Variants in MAP3K5 observed in about 807,000 individuals in gnomAD.
The protein encoded by MAP3K5 is mitogen-activated protein kinase kinase kinase 5.
A neutral mutation model predicts 158.7 loss-of-function variants in MAP3K5; 56 were observed. The observed-to-expected ratio is 0.35, with a 90% CI of 0.28 to 0.44. MAP3K5 has a LOEUF of 0.44. Ranked by LOEUF, MAP3K5 falls within the 20% of genes least tolerant of loss-of-function variation. MAP3K5 has a pLI of 1.00. For missense variants in MAP3K5, 1,294 were observed against 1,674.8 expected (o/e 0.77, Z 3.97); for synonymous variants, 579 against 601.7 (o/e 0.96, Z 0.55).
chr6:136,706,400 C>T (rs1306529046), intron 2 of MAP3K5, among the ~76,000 whole-genome samples: 1 of 152,194 alleles, frequency 6.6e-6, no homozygotes, highest in Non-Finnish European at 1.5e-5. Context: ...AGCTAACTAT[C>T]AGTATTGTTA....
intron 18 of MAP3K5, among the ~76,000 whole-genome samples, chr6:136,608,234 C>T (rs1325204704): frequency 6.6e-6 from 1 of 151,956 alleles, no homozygotes; most frequent in Non-Finnish European, 1.5e-5. Context: ...AGCCTTGTCC[C>T]CCACTATGAG....
intron 14 of MAP3K5, among the ~76,000 whole-genome samples, chr6:136,627,513 C>T (rs1051329917): frequency 7.2e-5 from 11 of 152,122 alleles, no homozygotes; most frequent in East Asian, 1.9e-4. Flanking sequence ...CCCTCTTCAG[C>T]GCCCTCAAAA....
intron 1 of MAP3K5, among the ~76,000 whole-genome samples, chr6:136,759,305 C>G (rs2073871844): frequency 6.6e-6 from 1 of 151,548 alleles, no homozygotes; most frequent in African/African-American, 2.4e-5. Context: ...CAAAGACGAA[C>G]AAGAAGTTGA....
chr6:136,695,454 A>C lies in MAP3K5; in HGVS notation c.1082+497T>G, dbSNP rs73558254. ...ACGCCCAGCCTGTGAAATATGTTTC[A>C]ATAAAGCTATTATAAAAAAGGTATC... On this transcript the variant is annotated intron_variant, in intron 6 of 29. Transcript: ENST00000359015. 2.2e-3 allele frequency among the ~76,000 whole-genome samples: 341 copies of C among 152,312 alleles called. 1 individual carries two copies. Among genetic ancestry groups the C allele is most frequent in the African/African-American group, 7.8e-3 (326 of 41,592 alleles).
intron 27 of MAP3K5, 105 bp from the exon 28 acceptor site, chr6:136,561,750 T>C: frequency 1.5e-6 from 1 of 662,754 alleles, no homozygotes; most frequent in South Asian, 1.8e-5. Flanking sequence ...GATTTTGCTC[T>C]ATCAGAGAAC....
chr6:136,784,505 T>C (rs1410611815), intron 1 of MAP3K5, among the ~76,000 whole-genome samples: 1 of 152,184 alleles, frequency 6.6e-6, no homozygotes, highest in Admixed American at 6.5e-5. Context: ...AGAAAAACCA[T>C]GTGTTGGACA....
At position 136,622,906 on chromosome 6, in the gene MAP3K5, G is replaced by A. The variant is rs1459888198; in HGVS notation, c.2092C>T (p.Arg698Trp). 3.1e-6 allele frequency: 5 copies of A among 1,597,624 alleles called. No homozygotes were observed. Among genetic ancestry groups the A allele is most frequent in the South Asian group, 1.1e-5 (1 of 90,848 alleles). ...KGTYGIVYAG[R>W]DLSNQVRIAI... is the part of the protein sequence containing the mutation. ...ATTCTGACTTGGTTGCTCAAGTCCCGACCTGCGTAGACTATCCCATAAGTG... is the reference window on the plus strand; with the variant it reads ...ATTCTGACTTGGTTGCTCAAGTCCCAACCTGCGTAGACTATCCCATAAGTG... The change falls in exon 15 of 30, where the codon CGG (arginine) becomes TGG (tryptophan). Residue 698 changes from arginine (R) to tryptophan (W), a missense_variant. Coordinates refer to ENST00000359015, the MANE Select transcript of MAP3K5 (RefSeq NM_005923.4).
intron 1 of MAP3K5, among the ~76,000 whole-genome samples, chr6:136,724,050 A>G (rs1781853124): frequency 6.6e-6 from 1 of 152,082 alleles, no homozygotes; most frequent in Admixed American, 6.6e-5. Context: ...AAAATCAAGA[A>G]GCTGTGTAAC....
Position 136,658,592 on chromosome 6 carries a change from G to A in MAP3K5, c.1526+627C>T, listed in dbSNP as rs183339835. Among the ~76,000 whole-genome samples the A allele has an allele frequency of 7.2e-5, 11 of 152,184 alleles. No homozygotes were observed. The East Asian group carries it at 1.9e-3, about 27-fold the overall frequency. ...AGCCTCCCAAGTGCTGGGATTACAG[G>A]TGTGAGCCACCGTGCGCCCGGCCAA... On this transcript the variant is annotated intron_variant, in intron 9 of 29. Transcript: ENST00000359015.
chr6:136,781,177 C>T (rs1439633182), intron 1 of MAP3K5, among the ~76,000 whole-genome samples: 2 of 152,198 alleles, frequency 1.3e-5, no homozygotes, highest in Non-Finnish European at 2.9e-5. Context: ...TAGAGAAAGG[C>T]TAGTTTTGGT....
intron 2 of MAP3K5, among the ~76,000 whole-genome samples, chr6:136,710,688 C>T (rs1781270143): frequency 6.6e-6 from 1 of 152,094 alleles, no homozygotes; most frequent in Non-Finnish European, 1.5e-5. Context: ...GTGGCCAAGT[C>T]AAATCAAACT....
At chr6:136,560,268 G>C (rs1830448154) in intron 28 of MAP3K5, among the ~76,000 whole-genome samples, 1 of 152,034 alleles carries the variant, frequency 6.6e-6, no homozygotes, top group African/African-American at 2.4e-5. Flanking sequence ...ATCACTTGAG[G>C]CCAGGGTTCG....
chr6:136,558,145 G>A (rs1172581077), intron 29 of MAP3K5, among the ~76,000 whole-genome samples: 5 of 152,198 alleles, frequency 3.3e-5, no homozygotes, highest in East Asian at 1.9e-4. Flanking sequence ...TTAGAAGGCC[G>A]AGGCAGGCAG....
intron 10 of MAP3K5, among the ~76,000 whole-genome samples, chr6:136,654,328 T>C (rs75939071): frequency 0.016 from 2,442 of 152,348 alleles, 26 homozygotes; most frequent in Non-Finnish European, 0.024. Flanking sequence ...GTTTTAATTC[T>C]TTGAGTCCAA....
chr6:136,651,162 C>T, intron 10 of MAP3K5, 71 bp from the exon 11 acceptor site: 2 of 729,786 alleles, frequency 2.7e-6, no homozygotes, highest in Non-Finnish European at 4.8e-6. Flanking sequence ...TGCTATAACA[C>T]CCCAGCACCA....
In MAP3K5 at chr6:136,637,261, G is replaced by A. The variant is rs1777682188; in HGVS notation, c.2016+64C>T. 16 of 1,381,970 alleles carry A rather than the reference G, an allele frequency of 1.2e-5. No individual in the cohort carries two copies. The South Asian group carries it at 1.6e-4, about 14-fold the overall frequency. The allele number at this position is 1,381,970 out of a possible 1,614,324, so 85.6% of individuals were successfully genotyped here. A position where few individuals can be genotyped will look rare whatever the true frequency, so the allele number is the denominator to read the frequency against. The stretch of plus-strand genomic sequence containing the variant: ...CTCATACACCCTGCCTCCTGCCTCA[G>A]TAAGGCTTCAAATAGTTTGTTTTAA... On this transcript the variant is annotated intron_variant, in intron 14 of 29. Coordinates refer to ENST00000359015, the MANE Select transcript of MAP3K5 (RefSeq NM_005923.4).
At chr6:136,766,201 C>T (rs1284741853) in intron 1 of MAP3K5, among the ~76,000 whole-genome samples, 1 of 152,212 alleles carries the variant, frequency 6.6e-6, no homozygotes, top group African/African-American at 2.4e-5. Context: ...TGTATAAACA[C>T]TAAGCCTACA....
At chr6:136,558,311 G>A (rs534106082) in intron 29 of MAP3K5, among the ~76,000 whole-genome samples, 21 of 151,978 alleles carry the variant, frequency 1.4e-4, no homozygotes, top group Non-Finnish European at 2.6e-4. Flanking sequence ...CCTGGGAGGC[G>A]GAGCTTGCAG....
At chr6:136,659,111 TA>T in intron 9 of MAP3K5, 107 bp downstream of exon 9, 1 of 1,018,696 alleles carries the variant, frequency 9.8e-7, no homozygotes, top group East Asian at 2.6e-5. Flanking sequence ...TTCTGCATTT[TA>T]TTTTATAAGC....
Sources: gnomAD v4.1 joint callset for allele counts (sites outside exome capture counted in the v4.1 genomes callset) on GRCh38, gnomAD v4.1.1 for gene constraint, MANE v1.5 for transcripts, NCBI Gene and HGNC (gene_info 2026-07-23, HGNC 2026-07-21) for gene names.